Variants in HOXA3 observed in about 807,000 individuals in gnomAD.
HOXA3 encodes the protein homeobox A3.
HOXA3 carries 8 observed loss-of-function variants against 30.3 expected under a neutral mutation model. That is an observed-to-expected ratio of 0.26 (90% CI 0.15 to 0.48). The LOEUF (loss-of-function observed/expected upper bound fraction) is 0.48, where lower values mean the gene tolerates loss of function less well. Ranked by LOEUF, HOXA3 falls within the 20% of genes least tolerant of loss-of-function variation. The pLI is 0.99. For missense variants in HOXA3, 653 were observed against 614.4 expected (o/e 1.06, Z -0.66); for synonymous variants, 323 against 273.1 (o/e 1.18, Z -1.80).
intron 2 of HOXA3, among the ~76,000 whole-genome samples, chr7:27,131,667 G>GGATAGAAGCAACACCTCCAC (rs1785563957): frequency 6.6e-6 from 1 of 152,168 alleles, no homozygotes; most frequent in African/African-American, 2.4e-5. Context: ...GGATGGGAAT[G>GGATAGAAGCAACACCTCCAC]GATAGAAGCA....
At chr7:27,145,528 C>T in intron 1 of HOXA3, 1 of 1,095,884 alleles carries the variant, frequency 9.1e-7, no homozygotes. Context: ...GCTTGCAAAG[C>T]TCCGGGCTCC....
chr7:27,142,696 C>T, intron 1 of HOXA3: 1 of 294,448 alleles, frequency 3.4e-6, no homozygotes, highest in Non-Finnish European at 6.2e-6. Flanking sequence ...GTGACAAGCC[C>T]GATTCACGGC....
intron 1 of HOXA3, among the ~76,000 whole-genome samples, chr7:27,149,570 C>T (rs545233260): frequency 6.6e-5 from 10 of 152,328 alleles, no homozygotes; most frequent in African/African-American, 1.2e-4. Context: ...GCTGCTAGCC[C>T]GGCAACGGGG....
At chr7:27,112,323 T>C (rs1253463450) in intron 4 of HOXA3, among the ~76,000 whole-genome samples, 1 of 152,206 alleles carries the variant, frequency 6.6e-6, no homozygotes, top group Non-Finnish European at 1.5e-5. Flanking sequence ...ATTAGATGCT[T>C]TGTTAACTAG....
intron 1 of HOXA3, chr7:27,141,536 CTCTTT>C (rs967303762): frequency 3.7e-5 from 8 of 214,444 alleles, no homozygotes; most frequent in African/African-American, 1.9e-4. Flanking sequence ...GTTTTTTTTT[CTCTTT>C]TCTTTTTTTG....
At chr7:27,147,232 A>C in intron 1 of HOXA3, 1 of 1,341,890 alleles carries the variant, frequency 7.5e-7, no homozygotes, top group Non-Finnish European at 1.0e-6. Flanking sequence ...TCCTCTTTCT[A>C]CTCTGTTTCC....
intron 1 of HOXA3, chr7:27,149,944 T>C (rs1583415706): frequency 6.6e-6 from 1 of 152,204 alleles, no homozygotes; most frequent in Non-Finnish European, 1.5e-5. Flanking sequence ...GGTGGGTCAG[T>C]GTCAATTTAC....
chr7:27,143,212 G>A (rs1232156152), intron 1 of HOXA3: 3 of 1,610,484 alleles, frequency 1.9e-6, no homozygotes, highest in Admixed American at 3.3e-5. Flanking sequence ...GGGTGCTGCC[G>A]GCGTCGGCCG....
In HOXA3 at chr7:27,129,051, C is replaced by T. The variant is rs963825686; in HGVS notation, c.-389-1981G>A. On this transcript the variant is annotated intron_variant, in intron 2 of 5. Coordinates refer to ENST00000612286, the MANE Select transcript of HOXA3 (RefSeq NM_153631.3). ...ACAACTGTTCTCTCTTGGGTGGCAACCAGCACAGACTCTTAACCGGATAAT... is the reference window on the plus strand; with the variant it reads ...ACAACTGTTCTCTCTTGGGTGGCAATCAGCACAGACTCTTAACCGGATAAT... 10 of 668,808 alleles carry T rather than the reference C, an allele frequency of 1.5e-5. No homozygotes were observed. In the South Asian group the frequency reaches 1.6e-4, roughly 10 times the overall value. 41.4% of individuals were successfully genotyped at this position (668,808 alleles called of 1,614,324 possible). A position where few individuals can be genotyped will look rare whatever the true frequency, so the allele number is the denominator to read the frequency against.
At chr7:27,147,369 G>A in intron 1 of HOXA3, 1 of 1,614,156 alleles carries the variant, frequency 6.2e-7, no homozygotes, top group Non-Finnish European at 8.5e-7. Flanking sequence ...TCCGGTCGGC[G>A]CCTTCGTCAT....
intron 1 of HOXA3, among the ~76,000 whole-genome samples, chr7:27,146,216 G>C (rs887816863): frequency 4.0e-5 from 6 of 151,064 alleles, no homozygotes; most frequent in African/African-American, 1.5e-4. Flanking sequence ...TGCCCAGGTC[G>C]TGTTTTTGTG....
chr7:27,147,402 G>T, intron 1 of HOXA3: 1 of 1,614,246 alleles, frequency 6.2e-7, no homozygotes, highest in Non-Finnish European at 8.5e-7. Context: ...CCTGCCCGCT[G>T]CTGCTGTCGG....
At chr7:27,143,007 C>A in intron 1 of HOXA3, 1 of 1,483,234 alleles carries the variant, frequency 6.7e-7, no homozygotes, top group African/African-American at 1.5e-5. Flanking sequence ...AGAGCCGCGT[C>A]CCCGCGGTCG....
chr7:27,119,552 G>C (rs908170138), intron 4 of HOXA3: 1 of 152,072 alleles, frequency 6.6e-6, no homozygotes, highest in Admixed American at 6.5e-5. Context: ...CTCTTTTCTG[G>C]TCTTAGTTTC....
chr7:27,130,930 G>A (rs1785533790), intron 2 of HOXA3: 6 of 615,852 alleles, frequency 9.7e-6, no homozygotes, highest in African/African-American at 9.5e-5. Flanking sequence ...CCCCAGCCCA[G>A]CGCGCGCCCC....
At chr7:27,148,232 G>A (rs1211379906) in intron 1 of HOXA3, among the ~76,000 whole-genome samples, 3 of 152,276 alleles carry the variant, frequency 2.0e-5, no homozygotes, top group African/African-American at 7.2e-5. Context: ...TCCAGGAGGG[G>A]CAGTGACAAA....
At chr7:27,146,172 G>A (rs1273046818) in intron 1 of HOXA3, among the ~76,000 whole-genome samples, 1 of 152,162 alleles carries the variant, frequency 6.6e-6, no homozygotes, top group Non-Finnish European at 1.5e-5. Context: ...ACCATTACAA[G>A]CAAAATAACA....
chr7:27,113,295 G>A lies in HOXA3; in HGVS notation c.-120-2535C>T, dbSNP rs1340859669. 6.6e-6 allele frequency among the ~76,000 whole-genome samples: 1 copy of A among 152,088 alleles called. No homozygotes were observed. The highest frequency in any genetic ancestry group is 1.5e-5 in the Non-Finnish European group (1 of 68,022). Reference sequence around the variant, plus strand: ...ATTCAACCTCCGTCCTTCAGACATCGCTCCCTCTTCCCATTCCCTCCTCTT... The same window carrying A: ...ATTCAACCTCCGTCCTTCAGACATCACTCCCTCTTCCCATTCCCTCCTCTT... On this transcript the variant is annotated intron_variant, in intron 4 of 5. Transcript: ENST00000612286. The surrounding 1 kb of genome is among the most constrained non-coding windows in gnomAD (Gnocchi z 4.8).
chr7:27,108,755 G>C lies in HOXA3; in HGVS notation c.527-35C>G, dbSNP rs777495623. ...CAGAGAGAGGAAGAGCGGCGTCAGG[G>C]GCTGCCGCGGCCCCGCCCAGCCCCT... On this transcript the variant is annotated intron_variant, in intron 5 of 5. Transcript: ENST00000612286. This position sits in a 1 kb window ranked among gnomAD's most constrained non-coding sequence, Gnocchi z 5.0. The C allele has an allele frequency of 1.4e-5, 21 of 1,507,602 alleles. No individual in the cohort carries two copies. The highest frequency in any genetic ancestry group is 5.5e-5 in the African/African-American group (4 of 72,374). 93.4% of individuals were successfully genotyped at this position (1,507,602 alleles called of 1,614,324 possible).
Sources: allele counts gnomAD v4.1 joint callset (sites outside exome capture counted in the v4.1 genomes callset), GRCh38; gene constraint gnomAD v4.1.1; non-coding constraint Gnocchi (gnomAD v3.1); transcripts MANE v1.5; gene names NCBI Gene and HGNC (gene_info 2026-07-23, HGNC 2026-07-21).